The following CYLC2 variants were observed in gnomAD, a reference collection of about 807,000 sequenced individuals.
CYLC2 encodes cylicin 2.
Under a neutral mutation model 26.1 loss-of-function variants are expected in CYLC2, and 30 were observed. The observed-to-expected ratio is 1.15, with a 90% CI of 0.86 to 1.56. The LOEUF (loss-of-function observed/expected upper bound fraction) is 1.56, where lower values mean the gene tolerates loss of function less well. Among genes scored for constraint, CYLC2 ranks in the 40% most tolerant of loss-of-function variants. The probability of loss-of-function intolerance (pLI) is 0.00; values close to 1 mark genes in which losing one functional copy is unlikely to be tolerated. For synonymous variants in CYLC2, 158 were observed against 132.8 expected (o/e 1.19, Z -1.31); for missense variants, 498 against 394.4 (o/e 1.26, Z -2.23).
chr9:103,004,984 G>T lies in CYLC2; in HGVS notation c.353G>T (p.Gly118Val), dbSNP rs780357420. The T allele has an allele frequency of 1.9e-6, 3 of 1,581,356 alleles. No homozygotes were observed. The highest frequency in any genetic ancestry group is 1.7e-6 in the Non-Finnish European group (2 of 1,171,876). ...TTATCCCCAGAAATTGGTAAGAAAG[G>T]TGAAGACAAGACAACACAGAAGGAC... Reference protein sequence around the residue: ...DSKAAEIGKKGEDKTTQKDTT... With the variant: ...DSKAAEIGKKVEDKTTQKDTT... The change falls in exon 5 of 8, where the codon GGT (glycine) becomes GTT (valine). Residue 118 changes from glycine to valine, a missense_variant. Coordinates refer to ENST00000374798, the MANE Select transcript of CYLC2 (RefSeq NM_001340.5).
At position 103,001,574 on chromosome 9, in the gene CYLC2, AT is replaced by A. The variant is rs754621405; in HGVS notation, c.18-3del. On this transcript the variant is annotated splice_region_variant and splice_polypyrimidine_tract_variant and intron_variant, in intron 1 of 7. Coordinates refer to ENST00000374798, the MANE Select transcript of CYLC2 (RefSeq NM_001340.5). ...ACTAAAACCTTTCTTTTTTGTTTTAATAGCCAAAGAGTAAACTTTGGGCCAT... is the reference window on the plus strand; with the variant it reads ...ACTAAAACCTTTCTTTTTTGTTTTAAAGCCAAAGAGTAAACTTTGGGCCAT... 4.6e-6 allele frequency: 7 copies of A among 1,532,490 alleles called. No individual in the cohort carries two copies. The highest frequency in any genetic ancestry group is 6.3e-6 in the Non-Finnish European group (7 of 1,114,518). 94.9% of individuals were successfully genotyped at this position (1,532,490 alleles called of 1,614,324 possible).
intron 6 of CYLC2, among the ~76,000 whole-genome samples, chr9:103,014,631 T>C (rs890163801): frequency 2.8e-4 from 40 of 141,880 alleles, no homozygotes; most frequent in African/African-American, 1.0e-3. Flanking sequence ...TTATGCAGTA[T>C]ACATCATATG....
chr9:103,011,289 C>T (rs12378193), intron 5 of CYLC2, among the ~76,000 whole-genome samples: 4 of 151,900 alleles, frequency 2.6e-5, no homozygotes, highest in Non-Finnish European at 5.9e-5. Flanking sequence ...TTTTTACCCC[C>T]CTTCATTTTG....
In CYLC2 at chr9:102,997,731, T is replaced by A. The variant is rs16922372; in HGVS notation, c.17+2334T>A. Among the ~76,000 whole-genome samples, 1,436 of 152,002 alleles carry A rather than the reference T, an allele frequency of 9.4e-3. 63 individuals carry two copies. In the East Asian group the frequency reaches 0.16, roughly 17 times the overall value. ...ATCATTTAAATCCTTTGACTTTGAATCCACTATATATTTTTAAAACACATC... is the reference window on the plus strand; with the variant it reads ...ATCATTTAAATCCTTTGACTTTGAAACCACTATATATTTTTAAAACACATC... On this transcript the variant is annotated intron_variant, in intron 1 of 7. Transcript: ENST00000374798.
At chr9:103,003,071 A>G (rs1250387062) in intron 2 of CYLC2, 71 bp from the exon 3 acceptor site, 1 of 1,572,922 alleles carries the variant, frequency 6.4e-7, no homozygotes, top group African/African-American at 1.4e-5. Flanking sequence ...TATACGTTGC[A>G]CGTAATGCCA....
chr9:103,008,942 T>C (rs1829378727), intron 5 of CYLC2, among the ~76,000 whole-genome samples: 1 of 152,130 alleles, frequency 6.6e-6, no homozygotes, highest in Non-Finnish European at 1.5e-5. Flanking sequence ...ACCATCAACT[T>C]TTCTTTTGCT....
intron 5 of CYLC2, among the ~76,000 whole-genome samples, chr9:103,007,533 T>C (rs1001919789): frequency 3.9e-5 from 6 of 152,132 alleles, no homozygotes; most frequent in African/African-American, 1.4e-4. Flanking sequence ...AACAATTAAC[T>C]TACTGTCTCT....
At chr9:103,011,227 G>A (rs10760933) in intron 5 of CYLC2, among the ~76,000 whole-genome samples, 112,567 of 151,906 alleles carry the variant, frequency 0.74, 42,230 homozygotes, top group East Asian at 1. Context: ...AAAGGACAAT[G>A]TGCATTGTTC....
At chr9:103,015,444 A>AAT (rs965136413) in intron 6 of CYLC2, among the ~76,000 whole-genome samples, 5 of 137,582 alleles carry the variant, frequency 3.6e-5, no homozygotes, top group African/African-American at 1.3e-4. Context: ...ATATATCATT[A>AAT]ATATATATAT....
chr9:103,012,406 T>C (rs1358196924), intron 6 of CYLC2, among the ~76,000 whole-genome samples: 6 of 152,052 alleles, frequency 3.9e-5, no homozygotes, highest in African/African-American at 1.2e-4. Context: ...ATAAAATAAT[T>C]CCGGTGTTTT....
At chr9:103,007,333 TAATC>T (rs908142763) in intron 5 of CYLC2, among the ~76,000 whole-genome samples, 2 of 152,090 alleles carry the variant, frequency 1.3e-5, no homozygotes, top group African/African-American at 2.4e-5. Flanking sequence ...TAGAAAATAT[TAATC>T]AATTTATTTT....
At chr9:103,014,678 G>A (rs183294168) in intron 6 of CYLC2, among the ~76,000 whole-genome samples, 2 of 132,252 alleles carry the variant, frequency 1.5e-5, no homozygotes, top group Non-Finnish European at 3.2e-5. Context: ...ATATTATGCA[G>A]TATACATATG....
intron 1 of CYLC2, among the ~76,000 whole-genome samples, chr9:102,997,810 G>A (rs1444387173): frequency 2.0e-5 from 3 of 151,756 alleles, no homozygotes; most frequent in African/African-American, 7.3e-5. Context: ...TTTGTATTTA[G>A]ATTAAAATAT....
At chr9:102,999,070 A>G (rs1829263584) in intron 1 of CYLC2, among the ~76,000 whole-genome samples, 3 of 151,890 alleles carry the variant, frequency 2.0e-5, no homozygotes, top group Admixed American at 2.0e-4. Flanking sequence ...TAAAATTGCT[A>G]TGAACATTTT....
Position 103,013,631 on chromosome 9 carries a change from G to T in CYLC2, c.*816+1534G>T, listed in dbSNP as rs898000140. On this transcript the variant is annotated intron_variant, in intron 6 of 7. Transcript: ENST00000374798. ...TATTTTATATATAATATGTTATATA[G>T]ATATATATTTATATAAAAATATAAA... Among the ~76,000 whole-genome samples the T allele has an allele frequency of 2.1e-4, 23 of 107,200 alleles. No homozygotes were observed. The Admixed American group carries it at 2.8e-3, about 13-fold the overall frequency. 70.3% of individuals were successfully genotyped at this position (107,200 alleles called of 152,430 possible).
chr9:102,998,612 T>C (rs16922375), intron 1 of CYLC2, among the ~76,000 whole-genome samples: 2,100 of 151,976 alleles, frequency 0.014, 59 homozygotes, highest in African/African-American at 0.049. Context: ...GCAAGGGTAT[T>C]TGGTTTATTG....
At chr9:103,013,145 TC>T (rs1417662130) in intron 6 of CYLC2, among the ~76,000 whole-genome samples, 6 of 37,466 alleles carry the variant, frequency 1.6e-4, no homozygotes, top group Non-Finnish European at 2.3e-4. Context: ...TATAAATATA[TC>T]ATATATAAAT....
intron 6 of CYLC2, among the ~76,000 whole-genome samples, chr9:103,013,887 T>C (rs919418511): frequency 1.1e-4 from 12 of 113,398 alleles, no homozygotes; most frequent in Non-Finnish European, 1.6e-4. Context: ...ATATAATAAA[T>C]AATATATTAT....
chr9:103,016,871 C>T lies in CYLC2; in HGVS notation c.*817-17C>T, dbSNP rs1044669436. ...ATAATTCATCTACATAAGAGATAAA[C>T]TTTTTGTTTTTGAAAGGGAAGGAAA... is the stretch of plus-strand genomic sequence containing the variant. On this transcript the variant is annotated splice_polypyrimidine_tract_variant and intron_variant, in intron 6 of 7. Transcript: ENST00000374798. 6 of 151,856 alleles carry T rather than the reference C, an allele frequency of 4.0e-5. No individual in the cohort carries two copies. The highest frequency in any genetic ancestry group is 5.9e-5 in the Non-Finnish European group (4 of 67,900). 9.4% of individuals were successfully genotyped at this position (151,856 alleles called of 1,614,324 possible).
Sources: gnomAD v4.1 joint callset for allele counts (sites outside exome capture counted in the v4.1 genomes callset) on GRCh38, gnomAD v4.1.1 for gene constraint, MANE v1.5 for transcripts, NCBI Gene and HGNC (gene_info 2026-07-23, HGNC 2026-07-21) for gene names.